The following OFD1 variants were observed in gnomAD, a reference collection of about 807,000 sequenced individuals.
OFD1 encodes OFD1 centriole and centriolar satellite protein.
Under a neutral mutation model 81.4 loss-of-function variants are expected in OFD1, and 12 were observed. That is an observed-to-expected ratio of 0.15 (90% CI 0.09 to 0.24). The LOEUF is 0.24. Ranked by LOEUF, OFD1 falls within the 10% of genes least tolerant of loss-of-function variation. The pLI, the probability that OFD1 is intolerant of heterozygous loss-of-function variation, is 1.00. For synonymous variants in OFD1, 256 were observed against 263.7 expected (o/e 0.97, Z 0.28); for missense variants, 685 against 733.9 (o/e 0.93, Z 0.77).
At chrX:13,750,312 C>T (rs1364460053) in intron 9 of OFD1, among the ~76,000 whole-genome samples, 1 of 111,962 alleles carries the variant, frequency 8.9e-6, no homozygotes, top group Non-Finnish European at 1.9e-5. Context: ...TCCATTTTCT[C>T]TACTCTTGTT....
intron 11 of OFD1, 86 bp from the exon 12 acceptor site, chrX:13,755,065 T>G (rs746618449): frequency 6.9e-5 from 45 of 652,772 alleles, no homozygotes; most frequent in Non-Finnish European, 1.0e-4. Context: ...GGTCATTAGG[T>G]CTGACATACT....
chrX:13,735,041 C>A lies in OFD1; in HGVS notation c.-31C>A. On this transcript the variant is annotated 5_prime_UTR_variant, in exon 1 of 23. Coordinates refer to ENST00000340096, the MANE Select transcript of OFD1 (RefSeq NM_003611.3). ...TAAACTCGGGCCGCGGCGGGGCGAG[C>A]GAGGCGGGCTCCGGAGGGAGCTGAC... 8.4e-7 allele frequency: 1 copy of A among 1,183,900 alleles called. No individual in the cohort carries two copies.
In OFD1 at chrX:13,760,425, A is replaced by G; in HGVS notation, c.1965A>G (p.Arg655=). ...LEKAFRSYHR[R]VIKNSAKSPL... is the part of the protein sequence containing the mutation. The stretch of plus-strand genomic sequence containing the variant: ...AGGCTTTCAGAAGTTACCATCGGAG[A>G]GTCATTAAAAACTCTGCCAAAAGCC... The change falls in exon 16 of 23, where the codon AGA becomes AGG. Residue 655 remains arginine (R), a synonymous_variant. Coordinates refer to ENST00000340096, the MANE Select transcript of OFD1 (RefSeq NM_003611.3). 1 of 1,194,367 alleles carries G rather than the reference A, an allele frequency of 8.4e-7. No individual in the cohort carries two copies. Among genetic ancestry groups the G allele is most frequent in the Non-Finnish European group, 1.1e-6 (1 of 887,230 alleles).
chrX:13,724,314 T>C, the OFD1 span, among the ~76,000 whole-genome samples: 18 of 102,433 alleles, frequency 1.8e-4, no homozygotes, highest in African/African-American at 6.6e-4. Context: ...TAACTAGTAA[T>C]GAACATAAAA....
rs777552359 is a variant in OFD1, at chrX:13,769,326, C to T, written c.*218C>T. 1.0e-5 allele frequency: 4 copies of T among 394,657 alleles called. No homozygotes were observed. The highest frequency in any genetic ancestry group is 1.8e-5 in the Non-Finnish European group (4 of 224,218). The allele number at this position is 394,657 out of a possible 1,213,427, so 32.5% of individuals were successfully genotyped here. On this transcript the variant is annotated 3_prime_UTR_variant, in exon 23 of 23. Transcript: ENST00000340096. ...TTCTCCAGTCATAGTATTTCTCATT[C>T]ATTATAATAAAAGTAACTGGCTTTT...
chrX:13,765,083 T>C (rs755785583), intron 19 of OFD1, among the ~76,000 whole-genome samples: 1 of 112,322 alleles, frequency 8.9e-6, no homozygotes, highest in South Asian at 3.7e-4. Context: ...AGATGGAACA[T>C]AGATTATAAT....
chrX:13,773,168 G>GCTGT (rs2048332364), downstream of OFD1: 4 of 463,604 alleles, frequency 8.6e-6, no homozygotes, highest in African/African-American at 7.2e-5. Flanking sequence ...TACTAGCAGA[G>GCTGT]CTGTCAGATC....
At chrX:13,734,719 A>G (rs970634827), upstream of OFD1, 8 of 996,921 alleles carry the variant, frequency 8.0e-6, no homozygotes, top group Non-Finnish European at 1.0e-5. Context: ...CGGGAAGGCT[A>G]TATTTAGCAG....
chrX:13,745,423 T>G (rs972935785), intron 6 of OFD1, among the ~76,000 whole-genome samples: 30 of 112,478 alleles, frequency 2.7e-4, no homozygotes, highest in African/African-American at 6.5e-4. Context: ...TTCACATTTA[T>G]TTTTTGCACT....
At chrX:13,772,178 A>C (rs1301656522), downstream of OFD1, 1 of 112,587 alleles carries the variant, frequency 8.9e-6, no homozygotes, top group Admixed American at 9.4e-5. Flanking sequence ...TGTTAAAATG[A>C]AATCTGTTAT....
chrX:13,738,830 C>A lies in OFD1; in HGVS notation c.313-16C>A. 4 of 1,006,685 alleles carry A rather than the reference C, an allele frequency of 4.0e-6. No individual in the cohort carries two copies. Among genetic ancestry groups the A allele is most frequent in the Non-Finnish European group, 5.6e-6 (4 of 712,742 alleles). 83.0% of individuals were successfully genotyped at this position (1,006,685 alleles called of 1,213,427 possible). A position where few individuals can be genotyped will look rare whatever the true frequency, so the allele number is the denominator to read the frequency against. On this transcript the variant is annotated splice_polypyrimidine_tract_variant and intron_variant, in intron 3 of 22. Transcript: ENST00000340096. Reference sequence around the variant, plus strand: ...ATATAAAAATATGTCTACTTAGTAACCTATTTTTTCTTAAGGTATTTACTA... The same window carrying A: ...ATATAAAAATATGTCTACTTAGTAAACTATTTTTTCTTAAGGTATTTACTA...
downstream of OFD1, chrX:13,773,237 C>A: frequency 3.5e-6 from 1 of 283,200 alleles, no homozygotes; most frequent in Non-Finnish European, 6.2e-6. Context: ...AGTTAGTATA[C>A]AAACATAGTG....
chrX:13,757,110 C>T (rs1289110801), intron 13 of OFD1, among the ~76,000 whole-genome samples: 1 of 112,264 alleles, frequency 8.9e-6, no homozygotes, highest in Non-Finnish European at 1.9e-5. Context: ...CTGAGAATTT[C>T]TCCCTCCTCT....
upstream of OFD1, among the ~76,000 whole-genome samples, chrX:13,732,638 C>T (rs1397900334): frequency 8.9e-6 from 1 of 112,730 alleles, no homozygotes; most frequent in Non-Finnish European, 1.9e-5. Context: ...TATTCCAAAC[C>T]GTTCCATAGG....
In OFD1 at chrX:13,746,452, A is replaced by G. The variant is rs762452588; in HGVS notation, c.651A>G (p.Gln217=). The change falls in exon 7 of 23, where the codon CAA becomes CAG. Residue 217 remains glutamine (Q), a synonymous_variant. Transcript: ENST00000340096. ...AGCAACTTCGGGCAGAAATGTGTCA[A>G]AAGGTAAGCTTTATCTTGTTACTGT... ...IEEQLRAEMC[Q]KLKFFKDTEI... is the part of the protein sequence containing the mutation. 9.1e-6 allele frequency: 11 copies of G among 1,209,709 alleles called. No individual in the cohort carries two copies. The highest frequency in any genetic ancestry group is 1.2e-5 in the Non-Finnish European group (11 of 893,371).
chrX:13,724,437 G>A, the OFD1 span, among the ~76,000 whole-genome samples: 685 of 106,780 alleles, frequency 6.4e-3, 4 homozygotes, highest in African/African-American at 0.022. Context: ...TTTAGGCTAC[G>A]ATCAGGAAAA....
intron 2 of OFD1, 151 bp downstream of exon 2, chrX:13,735,497 C>G: frequency 2.0e-6 from 1 of 511,084 alleles, no homozygotes; most frequent in South Asian, 2.7e-5. Context: ...AACTCTGTAT[C>G]CTGAAACATT....
rs1282756613 is a variant in OFD1, at chrX:13,762,423, G to A, written c.2467G>A (p.Glu823Lys). Residue 823 changes from glutamate (E) to lysine (K), a missense_variant, in exon 18 of 23, where the codon GAG becomes AAG. Around this residue, in one of 3 missense-constraint regions of OFD1, gnomAD observed 259 missense variants for 254.4 expected, o/e 1.02. Transcript: ENST00000340096. Reference protein sequence around the residue: ...VDKLAFKDNEEFESSFESAGN... With the variant: ...VDKLAFKDNEKFESSFESAGN... ...CAAGCTAGCTTTTAAGGATAATGAGGAGTTTGAATCATCTTTTGAATGTAA... is the reference window on the plus strand; with the variant it reads ...CAAGCTAGCTTTTAAGGATAATGAGAAGTTTGAATCATCTTTTGAATGTAA... 1.7e-6 allele frequency: 2 copies of A among 1,168,270 alleles called. No individual in the cohort carries two copies. Among genetic ancestry groups the A allele is most frequent in the African/African-American group, 3.5e-5 (2 of 56,572 alleles).
Position 13,760,297 on chromosome X carries a change from A to C in OFD1, c.1837A>C (p.Thr613Pro), listed in dbSNP as rs775062213. Reference sequence around the variant, plus strand: ...TGCATCAAGGATCACAAATTATCCAACTGCATGGGTGGAGGGTAGTTCCCC... The same window carrying C: ...TGCATCAAGGATCACAAATTATCCACCTGCATGGGTGGAGGGTAGTTCCCC... ...MVASRITNYPTAWVEGSSPDS... is the reference protein window; with the variant it reads ...MVASRITNYPPAWVEGSSPDS... Residue 613 changes from threonine (T) to proline (P), a missense_variant, in exon 16 of 23, where the codon ACT becomes CCT. Coordinates refer to ENST00000340096, the MANE Select transcript of OFD1 (RefSeq NM_003611.3). The C allele has an allele frequency of 1.7e-6, 2 of 1,211,777 alleles. No individual in the cohort carries two copies. Among genetic ancestry groups the C allele is most frequent in the Admixed American group, 2.2e-5 (1 of 46,100 alleles).
Sources: allele counts gnomAD v4.1 joint callset (sites outside exome capture counted in the v4.1 genomes callset), GRCh38; gene constraint gnomAD v4.1.1; regional missense constraint gnomAD v4.1.1; transcripts MANE v1.5; gene names NCBI Gene and HGNC (gene_info 2026-07-23, HGNC 2026-07-21).